The following TXLNB variants were observed in gnomAD, a reference collection of about 807,000 sequenced individuals.
The protein encoded by TXLNB is taxilin beta.
Under a neutral mutation model 57.4 loss-of-function variants are expected in TXLNB, and 37 were observed. That is an observed-to-expected ratio of 0.64 (90% CI 0.50 to 0.85). The LOEUF is 0.85. Ranked by LOEUF, TXLNB falls within the 40% of genes least tolerant of loss-of-function variation. TXLNB has a pLI of 0.00. For missense variants in TXLNB, 848 were observed against 825.6 expected (o/e 1.03, Z -0.33); for synonymous variants, 302 against 309.6 (o/e 0.98, Z 0.26).
chr6:139,270,663 C>T (rs371656132), intron 3 of TXLNB, 37 bp from the exon 4 acceptor site: 10 of 1,593,900 alleles, frequency 6.3e-6, no homozygotes, highest in African/African-American at 1.3e-5. Flanking sequence ...AAGAAAATGG[C>T]AGGGATCTCC....
At chr6:139,205,166 T>C in the TXLNB span, among the ~76,000 whole-genome samples, 126 of 152,330 alleles carry the variant, frequency 8.3e-4, no homozygotes, top group Non-Finnish European at 1.4e-3. Context: ...AAGCGCCACC[T>C]CCTGGCTGGA....
At chr6:139,197,407 AC>A in the TXLNB span, among the ~76,000 whole-genome samples, 1 of 152,176 alleles carries the variant, frequency 6.6e-6, no homozygotes, top group East Asian at 1.9e-4. Flanking sequence ...CTGGAGTAGT[AC>A]GTGGCACCTA....
chr6:139,238,824 C>T (rs1206130074), downstream of TXLNB, among the ~76,000 whole-genome samples: 2 of 152,190 alleles, frequency 1.3e-5, no homozygotes, highest in African/African-American at 2.4e-5. Context: ...CATTTCACAT[C>T]TTCCATTAGC....
intron 2 of TXLNB, among the ~76,000 whole-genome samples, chr6:139,285,863 T>C (rs1339987693): frequency 6.9e-6 from 1 of 145,398 alleles, no homozygotes; most frequent in Non-Finnish European, 1.5e-5. Context: ...GAAATCTGTT[T>C]TCATTTCTTT....
chr6:139,184,613 CAT>C, the TXLNB span, among the ~76,000 whole-genome samples: 2 of 19,440 alleles, frequency 1.0e-4, no homozygotes, highest in South Asian at 2.3e-3. Flanking sequence ...ACCACGAATT[CAT>C]CATTTTACTC....
the TXLNB span, among the ~76,000 whole-genome samples, chr6:139,162,024 T>C: frequency 1.3e-5 from 2 of 152,324 alleles, no homozygotes; most frequent in South Asian, 4.1e-4. Flanking sequence ...CCTCTTGTCA[T>C]GTGTGGGTTT....
chr6:139,187,080 A>G, the TXLNB span, among the ~76,000 whole-genome samples: 1 of 152,168 alleles, frequency 6.6e-6, no homozygotes, highest in African/African-American at 2.4e-5. Flanking sequence ...AACTTATTAA[A>G]TTGTATACTT....
At chr6:139,261,956 T>G (rs1469870306) in intron 5 of TXLNB, among the ~76,000 whole-genome samples, 1 of 139,956 alleles carries the variant, frequency 7.1e-6, no homozygotes, top group Non-Finnish European at 1.5e-5. Flanking sequence ...TGGGCTGGAG[T>G]GCAGTGGCGT....
At chr6:139,254,706 G>A (rs774767886) in intron 7 of TXLNB, among the ~76,000 whole-genome samples, 11 of 152,144 alleles carry the variant, frequency 7.2e-5, no homozygotes, top group African/African-American at 1.4e-4. Context: ...AAGTTGTCAC[G>A]CAGCCAAACC....
chr6:139,269,790 T>C (rs1776711267), intron 4 of TXLNB, among the ~76,000 whole-genome samples: 1 of 152,218 alleles, frequency 6.6e-6, no homozygotes, highest in African/African-American at 2.4e-5. Flanking sequence ...GAGCTCTGCA[T>C]CTTGCTATAT....
the TXLNB span, chr6:139,174,556 C>CT: frequency 6.2e-7 from 1 of 1,610,212 alleles, no homozygotes; most frequent in Non-Finnish European, 8.5e-7. Flanking sequence ...ACTGAACACA[C>CT]TGAGGGAGCA....
chr6:139,310,886 G>C, the TXLNB span, among the ~76,000 whole-genome samples: 1 of 152,080 alleles, frequency 6.6e-6, no homozygotes, highest in Non-Finnish European at 1.5e-5. Flanking sequence ...GTAGAGACAG[G>C]GTTTCACCAT....
At chr6:139,244,784 T>C in intron 8 of TXLNB, 94 bp from the exon 9 acceptor site, 1 of 774,036 alleles carries the variant, frequency 1.3e-6, no homozygotes, top group Non-Finnish European at 2.2e-6. Context: ...GAAGCCCTTT[T>C]GTTACCAGAT....
the TXLNB span, among the ~76,000 whole-genome samples, chr6:139,231,537 A>G: frequency 6.6e-6 from 1 of 152,268 alleles, no homozygotes; most frequent in Non-Finnish European, 1.5e-5. Flanking sequence ...TTCCCTATTT[A>G]ATTTTTAAAC....
chr6:139,226,711 T>A, the TXLNB span, among the ~76,000 whole-genome samples: 2 of 152,180 alleles, frequency 1.3e-5, no homozygotes, highest in Admixed American at 6.5e-5. Flanking sequence ...TCAACCTCAT[T>A]AGTCATCAGG....
downstream of TXLNB, chr6:139,239,498 T>C: frequency 6.6e-6 from 1 of 152,642 alleles, no homozygotes; most frequent in Non-Finnish European, 1.5e-5. This position sits in a 1 kb window ranked among gnomAD's most constrained non-coding sequence, Gnocchi z 4.7. Context: ...TCAGTGACAT[T>C]TTTTCTTTTT....
chr6:139,233,430 T>G, the TXLNB span, among the ~76,000 whole-genome samples: 59 of 114,598 alleles, frequency 5.1e-4, no homozygotes, highest in African/African-American at 1.8e-3. Flanking sequence ...TATAAATAAA[T>G]ATAGATAGAT....
At chr6:139,226,566 C>T in the TXLNB span, among the ~76,000 whole-genome samples, 8 of 151,956 alleles carry the variant, frequency 5.3e-5, no homozygotes, top group Admixed American at 5.3e-4. Flanking sequence ...GTACTGCTTT[C>T]CAGAAATATA....
At chr6:139,206,631 G>A in the TXLNB span, among the ~76,000 whole-genome samples, 6,226 of 150,774 alleles carry the variant, frequency 0.041, 157 homozygotes, top group Admixed American at 0.072. Flanking sequence ...CTGAGATCGC[G>A]CCACTGCACC....
Sources: gnomAD v4.1 joint callset for allele counts (sites outside exome capture counted in the v4.1 genomes callset) on GRCh38, gnomAD v4.1.1 for gene constraint, Gnocchi (gnomAD v3.1) non-coding constraint, MANE v1.5 for transcripts, NCBI Gene and HGNC (gene_info 2026-07-23, HGNC 2026-07-21) for gene names.